The following RNF130 variants were observed in gnomAD, a reference collection of about 807,000 sequenced individuals.
RNF130 encodes E3 ubiquitin-protein ligase RNF130.
In RNF130, 21 loss-of-function variants were observed where a neutral mutation model predicts 44.6. That is an observed-to-expected ratio of 0.47 (90% confidence interval 0.33 to 0.68). The LOEUF (loss-of-function observed/expected upper bound fraction) is 0.68, where lower values mean the gene tolerates loss of function less well. Ranked by LOEUF, RNF130 falls within the 30% of genes least tolerant of loss-of-function variation. The pLI is 0.02. For missense variants in RNF130, 479 were observed against 560.6 expected (o/e 0.85, Z 1.47); for synonymous variants, 214 against 210.4 (o/e 1.02, Z -0.15).
intron 7 of RNF130, among the ~76,000 whole-genome samples, chr5:179,921,038 C>A (rs1761623679): frequency 6.6e-6 from 1 of 152,076 alleles, no homozygotes; most frequent in Non-Finnish European, 1.5e-5. Context: ...TCCATAGTTA[C>A]ATTATTTGAC....
intron 3 of RNF130, among the ~76,000 whole-genome samples, chr5:179,990,699 G>A (rs531037276): frequency 2.0e-5 from 3 of 152,300 alleles, no homozygotes; most frequent in South Asian, 2.1e-4. Flanking sequence ...AGACACTGGC[G>A]TTACCGCTAG....
At chr5:180,065,946 A>G (rs1013569454) in intron 1 of RNF130, among the ~76,000 whole-genome samples, 4 of 152,246 alleles carry the variant, frequency 2.6e-5, no homozygotes, top group African/African-American at 9.6e-5. Context: ...AGAAAAGATA[A>G]AAATTTTACA....
At position 179,978,428 on chromosome 5, in the gene RNF130, T is replaced by C. The variant is rs1485561339; in HGVS notation, c.766-143A>G. ...AAAATGATTAAAATTATTTTGTTTTTATTTGCCTAACTATATTGGCCCAAA... is the reference window on the plus strand; with the variant it reads ...AAAATGATTAAAATTATTTTGTTTTCATTTGCCTAACTATATTGGCCCAAA... On this transcript the variant is annotated intron_variant, in intron 4 of 8. Coordinates refer to ENST00000521389, the MANE Select transcript of RNF130 (RefSeq NM_018434.6). 1.2e-5 allele frequency: 7 copies of C among 603,772 alleles called. No homozygotes were observed. The South Asian group carries it at 1.3e-4, about 11-fold the overall frequency. 37.4% of individuals were successfully genotyped at this position (603,772 alleles called of 1,614,324 possible). A position where few individuals can be genotyped will look rare whatever the true frequency, so the allele number is the denominator to read the frequency against.
chr5:180,030,886 C>T (rs1764117275), intron 2 of RNF130, among the ~76,000 whole-genome samples: 1 of 152,076 alleles, frequency 6.6e-6, no homozygotes, highest in Non-Finnish European at 1.5e-5. Flanking sequence ...CTGAGAATAC[C>T]ACCAGTGTGA....
At chr5:180,061,642 G>T (rs981640614) in intron 1 of RNF130, among the ~76,000 whole-genome samples, 3 of 152,228 alleles carry the variant, frequency 2.0e-5, no homozygotes, top group Non-Finnish European at 4.4e-5. Flanking sequence ...TCCTATGGCC[G>T]CCTTCTCTGT....
intron 7 of RNF130, chr5:179,963,876 CAT>C: frequency 3.3e-6 from 1 of 304,418 alleles, no homozygotes; most frequent in East Asian, 6.8e-5. Flanking sequence ...TGCACAAGGA[CAT>C]AGATTTTTTT....
At chr5:179,959,135 G>C (rs1358560190) in intron 8 of RNF130, among the ~76,000 whole-genome samples, 1 of 152,134 alleles carries the variant, frequency 6.6e-6, no homozygotes, top group Non-Finnish European at 1.5e-5. Context: ...AAAGAGACCA[G>C]TGCAGGACTA....
At chr5:179,913,687 A>G (rs1278639969) in exon 8 of RNF130, 1 of 152,252 alleles carries the variant, frequency 6.6e-6, no homozygotes, top group Non-Finnish European at 1.5e-5. Flanking sequence ...GAGATCTTCC[A>G]GGATACCCAC....
At chr5:180,020,048 T>G (rs1052930800) in intron 2 of RNF130, among the ~76,000 whole-genome samples, 1 of 151,772 alleles carries the variant, frequency 6.6e-6, no homozygotes, top group African/African-American at 2.4e-5. Flanking sequence ...TCAACAAAAC[T>G]AAATGACAGG....
chr5:179,923,756 G>A (rs561277956), intron 7 of RNF130, among the ~76,000 whole-genome samples: 66 of 152,240 alleles, frequency 4.3e-4, no homozygotes, highest in Non-Finnish European at 7.6e-4. Context: ...GGTCCTGGGG[G>A]CTGCCCAATT....
chr5:179,937,966 GAGAGAC>G (rs1761919834), intron 7 of RNF130, among the ~76,000 whole-genome samples: 1 of 149,832 alleles, frequency 6.7e-6, no homozygotes, highest in African/African-American at 2.5e-5. Flanking sequence ...GAGAGAGAGA[GAGAGAC>G]AGAGACAGAC....
intron 2 of RNF130, among the ~76,000 whole-genome samples, chr5:180,023,886 T>C (rs1582198417): frequency 1.3e-5 from 2 of 152,038 alleles, no homozygotes; most frequent in Admixed American, 1.3e-4. Context: ...GGGAAAAGAG[T>C]TAACTTCACA....
intron 7 of RNF130, among the ~76,000 whole-genome samples, chr5:179,942,839 A>G (rs1292224754): frequency 1.3e-5 from 2 of 152,168 alleles, no homozygotes; most frequent in Non-Finnish European, 2.9e-5. Context: ...ATTTCCAGTT[A>G]TGTGTAACTC....
intron 7 of RNF130, among the ~76,000 whole-genome samples, chr5:179,928,714 C>T (rs2113674438): frequency 6.6e-6 from 1 of 151,864 alleles, no homozygotes; most frequent in Non-Finnish European, 1.5e-5. Flanking sequence ...CTGCAAGCCC[C>T]GCCTCCTGGG....
At chr5:179,991,415 CAATT>C (rs1405675829) in intron 3 of RNF130, among the ~76,000 whole-genome samples, 1 of 152,174 alleles carries the variant, frequency 6.6e-6, no homozygotes, top group African/African-American at 2.4e-5. Context: ...TTGTTTTCAT[CAATT>C]ATTTCCTTAA....
chr5:180,045,012 C>T (rs1764524407), intron 1 of RNF130, among the ~76,000 whole-genome samples: 1 of 152,124 alleles, frequency 6.6e-6, no homozygotes, highest in Non-Finnish European at 1.5e-5. Context: ...GAAACTTGCG[C>T]AGCCAGGAAG....
exon 8 of RNF130, chr5:179,919,394 A>T (rs1761595597): frequency 6.6e-6 from 1 of 152,434 alleles, no homozygotes; most frequent in South Asian, 2.1e-4. Flanking sequence ...ATGGGTGCTT[A>T]TCTGGTATCT....
At chr5:179,922,867 G>C (rs985573971) in intron 7 of RNF130, among the ~76,000 whole-genome samples, 1 of 151,228 alleles carries the variant, frequency 6.6e-6, no homozygotes, top group African/African-American at 2.4e-5. Context: ...CCGGGAAGCA[G>C]AGGCTGCAGT....
Position 179,970,612 on chromosome 5 carries a change from A to G in RNF130, c.849-106T>C, listed in dbSNP as rs1762560293. 3.7e-6 allele frequency: 3 copies of G among 815,884 alleles called. No individual in the cohort carries two copies. The Admixed American group carries it at 8.2e-5, about 22-fold the overall frequency. The allele number at this position is 815,884 out of a possible 1,614,324, so 50.5% of individuals were successfully genotyped here. A position where few individuals can be genotyped will look rare whatever the true frequency, so the allele number is the denominator to read the frequency against. ...AGTTAAGTTTTCTTTTCCCCCTTTC[A>G]GGACATATTTTAAGCCCCAAGAGAC... On this transcript the variant is annotated intron_variant, in intron 5 of 8. Transcript: ENST00000521389.
Sources: gnomAD v4.1 joint callset for allele counts (sites outside exome capture counted in the v4.1 genomes callset) on GRCh38, gnomAD v4.1.1 for gene constraint, MANE v1.5 for transcripts, NCBI Gene and HGNC (gene_info 2026-07-23, HGNC 2026-07-21) for gene names.